The following NWD1 variants were observed in gnomAD, a reference collection of about 807,000 sequenced individuals.
NWD1 encodes NACHT and WD repeat domain containing 1.
NWD1 carries 129 observed loss-of-function variants against 135.1 expected under a neutral mutation model. That is an observed-to-expected ratio of 0.96 (90% CI 0.83 to 1.11). The LOEUF is 1.11. Among genes scored for constraint, NWD1 ranks in the 50% least tolerant of loss-of-function variants. NWD1 has a pLI of 0.00. For missense variants in NWD1, 1,740 were observed against 1,851.3 expected (o/e 0.94, Z 1.10); for synonymous variants, 773 against 786.0 (o/e 0.98, Z 0.28).
At chr19:16,782,659 C>A (rs1969895963) in intron 12 of NWD1, among the ~76,000 whole-genome samples, 1 of 152,096 alleles carries the variant, frequency 6.6e-6, no homozygotes, top group Non-Finnish European at 1.5e-5. Flanking sequence ...CCCTCCATAT[C>A]TGTGGGTTTT....
At chr19:16,789,434 T>C (rs1357946634) in intron 13 of NWD1, among the ~76,000 whole-genome samples, 2 of 152,206 alleles carry the variant, frequency 1.3e-5, no homozygotes. Context: ...ATCAGCATTT[T>C]AGGGCTATAA....
chr19:16,762,193 T>C, intron 8 of NWD1, 55 bp downstream of exon 8: 2 of 1,533,402 alleles, frequency 1.3e-6, no homozygotes, highest in Non-Finnish European at 1.8e-6. Flanking sequence ...TGCCTGGCAT[T>C]GCTCACCTCC....
chr19:16,755,803 G>A (rs546912252), intron 6 of NWD1, among the ~76,000 whole-genome samples: 1 of 152,198 alleles, frequency 6.6e-6, no homozygotes, highest in Non-Finnish European at 1.5e-5. Flanking sequence ...CTCCCAAAGT[G>A]CTGGGATTAC....
At chr19:16,805,775 C>T (rs1372933826) in intron 17 of NWD1, among the ~76,000 whole-genome samples, 2 of 152,166 alleles carry the variant, frequency 1.3e-5, no homozygotes, top group South Asian at 2.1e-4. Flanking sequence ...GCCAAATTAA[C>T]GACTGAATGA....
At chr19:16,803,419 C>T (rs1022662687) in intron 17 of NWD1, among the ~76,000 whole-genome samples, 1 of 152,060 alleles carries the variant, frequency 6.6e-6, no homozygotes, top group African/African-American at 2.4e-5. Flanking sequence ...GGACACAAAT[C>T]TTCAGTCCAT....
chr19:16,720,446 T>C (rs1967094277), intron 1 of NWD1, among the ~76,000 whole-genome samples, 153 bp downstream of exon 1: 1 of 152,146 alleles, frequency 6.6e-6, no homozygotes, highest in Non-Finnish European at 1.5e-5. Context: ...CATAGAGCAC[T>C]AAAGTACAGG....
intron 15 of NWD1, among the ~76,000 whole-genome samples, chr19:16,796,906 C>T (rs751555185): frequency 5.9e-5 from 9 of 152,014 alleles, no homozygotes; most frequent in Non-Finnish European, 8.8e-5. Flanking sequence ...TGGCTGGGTA[C>T]GGTGGCTCAG....
At chr19:16,775,688 TA>T (rs2122964531) in intron 11 of NWD1, among the ~76,000 whole-genome samples, 1 of 152,282 alleles carries the variant, frequency 6.6e-6, no homozygotes, top group Admixed American at 6.6e-5. Flanking sequence ...TTACTTTTTA[TA>T]TGGAGTTTTG....
At chr19:16,752,556 A>T (rs1968621766) in intron 6 of NWD1, among the ~76,000 whole-genome samples, 1 of 146,886 alleles carries the variant, frequency 6.8e-6, no homozygotes, top group Non-Finnish European at 1.5e-5. Context: ...TGGGAGGATC[A>T]CTTGAGCACA....
At chr19:16,798,332 G>C (rs758163771) in intron 16 of NWD1, among the ~76,000 whole-genome samples, 52 of 152,194 alleles carry the variant, frequency 3.4e-4, no homozygotes, top group Middle Eastern at 3.4e-3. Context: ...TAAATAGACT[G>C]TGCACAGTGG....
At chr19:16,732,237 C>T (rs1031149884) in intron 3 of NWD1, among the ~76,000 whole-genome samples, 21 of 144,250 alleles carry the variant, frequency 1.5e-4, no homozygotes, top group Admixed American at 2.8e-4. Context: ...AAAAAAAAGG[C>T]AGATGGAGGG....
chr19:16,762,072 G>A lies in NWD1; in HGVS notation c.2067G>A (p.Trp689Ter), dbSNP rs1455008359. The A allele has an allele frequency of 3.7e-6, 6 of 1,614,088 alleles. No homozygotes were observed. The highest frequency in any genetic ancestry group is 4.5e-5 in the East Asian group (2 of 44,874). The change falls in exon 8 of 19, where the codon TGG (tryptophan) becomes TGA (stop). Residue 689 changes from tryptophan (W) to a stop codon, truncating the protein, a stop_gained. Coordinates refer to ENST00000524140, the MANE Select transcript of NWD1 (RefSeq NM_001007525.5). LOFTEE classifies it high-confidence loss of function. ...TGGCCGACTTCTTCTCAGGGACCTG[G>A]AGCCAGGGTACCAAGAAGCTCATCA... is the stretch of plus-strand genomic sequence containing the variant. ...GVLADFFSGT[W>*]SQGTKKLITL...
chr19:16,756,193 A>G (rs781001126), intron 6 of NWD1, among the ~76,000 whole-genome samples: 1 of 152,164 alleles, frequency 6.6e-6, no homozygotes, highest in Non-Finnish European at 1.5e-5. Context: ...CGGAGGTTGC[A>G]GTGAGCCTAG....
At chr19:16,769,961 C>A (rs185509557) in intron 10 of NWD1, among the ~76,000 whole-genome samples, 2 of 152,306 alleles carry the variant, frequency 1.3e-5, no homozygotes, top group East Asian at 1.9e-4. Flanking sequence ...CCTCAGCCTC[C>A]CAAGTAGCTG....
At chr19:16,757,061 T>C (rs978518789) in intron 6 of NWD1, among the ~76,000 whole-genome samples, 1 of 152,128 alleles carries the variant, frequency 6.6e-6, no homozygotes, top group African/African-American at 2.4e-5. Flanking sequence ...TTCTACATGA[T>C]GGGGAGTTGT....
At chr19:16,792,920 T>C (rs534291330) in intron 14 of NWD1, among the ~76,000 whole-genome samples, 6 of 142,908 alleles carry the variant, frequency 4.2e-5, no homozygotes, top group Non-Finnish European at 9.2e-5. Flanking sequence ...TGGTGCATAC[T>C]TGTACTCCCA....
chr19:16,728,069 AAAT>A (rs1196757534), intron 2 of NWD1, among the ~76,000 whole-genome samples: 1 of 152,006 alleles, frequency 6.6e-6, no homozygotes, highest in East Asian at 1.9e-4. Flanking sequence ...TCAAGAAACA[AAAT>A]AAACCAAAAA....
chr19:16,806,533 A>G (rs1310135348), intron 17 of NWD1, among the ~76,000 whole-genome samples: 1 of 152,120 alleles, frequency 6.6e-6, no homozygotes, highest in Non-Finnish European at 1.5e-5. Context: ...TAGCCTGGGC[A>G]ACATGGTAAA....
intron 4 of NWD1, among the ~76,000 whole-genome samples, chr19:16,738,904 CT>C (rs2122743805): frequency 8.0e-6 from 1 of 124,928 alleles, no homozygotes; most frequent in Non-Finnish European, 1.6e-5. Flanking sequence ...ATATATTTCA[CT>C]CCTTTTTCTT....
Sources: gnomAD v4.1 joint callset for allele counts (sites outside exome capture counted in the v4.1 genomes callset) on GRCh38, gnomAD v4.1.1 for gene constraint, MANE v1.5 for transcripts, NCBI Gene and HGNC (gene_info 2026-07-23, HGNC 2026-07-21) for gene names.